The following CDYL variants were observed in gnomAD, a reference collection of about 807,000 sequenced individuals.
The protein encoded by CDYL is chromodomain Y-like protein.
In CDYL, 8 loss-of-function variants were observed where a neutral mutation model predicts 47.3. The ratio of observed to expected loss-of-function variants is 0.17; its 90% CI spans 0.10 to 0.31. The LOEUF is 0.31. Ranked by LOEUF, CDYL falls within the 10% of genes least tolerant of loss-of-function variation. The pLI is 1.00. For synonymous variants in CDYL, 266 were observed against 265.0 expected, an observed-to-expected ratio of 1.00 and a Z score of -0.04; for missense variants, 471 against 701.4, an observed-to-expected ratio of 0.67 and a Z score of 3.71.
At position 4,822,176 on chromosome 6, in the gene CDYL, G is replaced by A. The variant is rs186825114; in HGVS notation, c.24+45369G>A. The stretch of plus-strand genomic sequence containing the variant: ...TTTTTTTTTTCTTTCTGTAGAGATG[G>A]GGTTGGCGGGGGGCATCTCACTGTG... On this transcript the variant is annotated intron_variant, in intron 1 of 6. Transcript: ENST00000397588. Among the ~76,000 whole-genome samples, 397 of 151,682 alleles carry A rather than the reference G, an allele frequency of 2.6e-3. 3 individuals carry two copies. The highest frequency in any genetic ancestry group is 9.2e-3 in the African/African-American group (381 of 41,326).
At chr6:4,913,070 G>T (rs1019832517) in intron 2 of CDYL, among the ~76,000 whole-genome samples, 2 of 152,210 alleles carry the variant, frequency 1.3e-5, no homozygotes, top group Non-Finnish European at 2.9e-5. Context: ...AGGCCAGGCT[G>T]TTAATGCTGG....
intron 2 of CDYL, among the ~76,000 whole-genome samples, chr6:4,904,501 A>G (rs1001921978): frequency 3.3e-5 from 5 of 152,252 alleles, no homozygotes; most frequent in South Asian, 2.1e-4. Context: ...TTGATGCTCA[A>G]TTCTTCCATT....
At chr6:4,927,428 C>CGTGTGTGTGTGTGTGTGTGTGT (rs35317751) in intron 2 of CDYL, among the ~76,000 whole-genome samples, 158 of 142,556 alleles carry the variant, frequency 1.1e-3, no homozygotes, top group African/African-American at 3.8e-3. Context: ...ATTTACTGTA[C>CGTGTGTGTGTGTGTGTGTGTGT]GTGTGTGTGT....
At chr6:4,792,480 G>A (rs1207671646) in intron 1 of CDYL, among the ~76,000 whole-genome samples, 1 of 149,258 alleles carries the variant, frequency 6.7e-6, no homozygotes, top group African/African-American at 2.5e-5. Flanking sequence ...TGCCCAGGCT[G>A]GAGTGCAGTG....
chr6:4,828,711 C>T (rs1338390664), intron 1 of CDYL, among the ~76,000 whole-genome samples: 2 of 152,096 alleles, frequency 1.3e-5, no homozygotes, highest in African/African-American at 4.8e-5. Flanking sequence ...CACTTTGTCC[C>T]TTTCTTTTCT....
At chr6:4,950,232 G>T (rs1179820437) in intron 5 of CDYL, among the ~76,000 whole-genome samples, 1 of 152,188 alleles carries the variant, frequency 6.6e-6, no homozygotes, top group African/African-American at 2.4e-5. Flanking sequence ...TGCAGGAAGG[G>T]CGGGAGAGGA....
At chr6:4,926,931 C>T (rs1282312264) in intron 2 of CDYL, among the ~76,000 whole-genome samples, 4 of 151,988 alleles carry the variant, frequency 2.6e-5, no homozygotes, top group Non-Finnish European at 4.4e-5. Flanking sequence ...GATTTGAATC[C>T]GATTTTATGC....
rs537450737 is a variant in CDYL, at chr6:4,891,868, G to A, written c.180G>A (p.Thr60=). The change falls in exon 2 of 7, where the codon ACG becomes ACA. Residue 60 remains threonine (T), a synonymous_variant. Transcript: ENST00000397588. ...TCCACGACTTCAACAGACGCCACAC[G>A]GAGAAGCAGAAGGAGAGCACATTGA... ...EYIHDFNRRH[T]EKQKESTLTR... 2.8e-5 allele frequency: 45 copies of A among 1,614,126 alleles called. No individual in the cohort carries two copies. The highest frequency in any genetic ancestry group is 2.1e-4 in the South Asian group (19 of 91,080).
At chr6:4,779,341 A>G (rs2127429472) in intron 1 of CDYL, among the ~76,000 whole-genome samples, 1 of 152,284 alleles carries the variant, frequency 6.6e-6, no homozygotes, top group Admixed American at 6.5e-5. Context: ...GACAGGAGGA[A>G]ATGTGAAGTC....
chr6:4,898,682 G>C (rs1424373416), intron 2 of CDYL, among the ~76,000 whole-genome samples: 2 of 152,142 alleles, frequency 1.3e-5, no homozygotes, highest in African/African-American at 2.4e-5. Flanking sequence ...CCGCAAACCT[G>C]CGTGTGCTTA....
At chr6:4,748,668 C>CACACACAT (rs1197636133) in intron 3 of CDYL, among the ~76,000 whole-genome samples, 1 of 151,364 alleles carries the variant, frequency 6.6e-6, no homozygotes, top group Admixed American at 6.6e-5. Context: ...CACACACACA[C>CACACACAT]ACACACACAC....
chr6:4,823,175 T>G (rs551711007), intron 1 of CDYL, among the ~76,000 whole-genome samples: 2 of 152,256 alleles, frequency 1.3e-5, no homozygotes, highest in Non-Finnish European at 2.9e-5. Flanking sequence ...AAACACTTAG[T>G]AATTTAGTAT....
intron 1 of CDYL, among the ~76,000 whole-genome samples, chr6:4,878,139 G>A (rs1289845639): frequency 1.3e-5 from 2 of 151,988 alleles, no homozygotes; most frequent in Non-Finnish European, 1.5e-5. Context: ...TATCTTTGAT[G>A]TCAGATTGTT....
intron 2 of CDYL, among the ~76,000 whole-genome samples, chr6:4,727,636 C>G (rs919835322): frequency 2.9e-5 from 4 of 139,696 alleles, no homozygotes; most frequent in African/African-American, 1.0e-4. Context: ...TCAACTACCT[C>G]TATTTGATGC....
At position 4,892,470 on chromosome 6, in the gene CDYL, C is replaced by T. The variant is rs1043720500; in HGVS notation, c.691+91C>T. ...ATCAGGCCTTGAGCTGGGCAGAGTC[C>T]GGGGCTTCTCACGGCATCTGCTGGA... On this transcript the variant is annotated intron_variant, in intron 2 of 6. Transcript: ENST00000397588. 58 of 1,357,590 alleles carry T rather than the reference C, an allele frequency of 4.3e-5. No homozygotes were observed. In the East Asian group the frequency reaches 4.9e-4, roughly 11 times the overall value. The allele number at this position is 1,357,590 out of a possible 1,614,324, so 84.1% of individuals were successfully genotyped here.
At chr6:4,767,598 GA>G (rs1758275576) in intron 3 of CDYL, among the ~76,000 whole-genome samples, 1 of 151,616 alleles carries the variant, frequency 6.6e-6, no homozygotes, top group Non-Finnish European at 1.5e-5. Flanking sequence ...GAGATGAGGG[GA>G]GGGGAGGGGA....
intron 2 of CDYL, among the ~76,000 whole-genome samples, chr6:4,723,557 T>C (rs1757415160): frequency 2.6e-5 from 4 of 152,058 alleles, no homozygotes; most frequent in Admixed American, 2.0e-4. Context: ...GAGGAGGCTG[T>C]CCAACCTGAA....
intron 1 of CDYL, among the ~76,000 whole-genome samples, chr6:4,824,383 G>A (rs898460892): frequency 6.6e-5 from 10 of 151,214 alleles, no homozygotes; most frequent in Non-Finnish European, 1.3e-4. Context: ...CGCTCGGCTC[G>A]GCAGCACTTA....
chr6:4,894,960 TAC>T (rs1762170487), intron 2 of CDYL, among the ~76,000 whole-genome samples: 15 of 150,656 alleles, frequency 1.0e-4, no homozygotes, highest in African/African-American at 3.2e-4. Flanking sequence ...TGTGTATATA[TAC>T]GTATGTGTAT....
Sources: gnomAD v4.1 joint callset for allele counts (sites outside exome capture counted in the v4.1 genomes callset) on GRCh38, gnomAD v4.1.1 for gene constraint, MANE v1.5 for transcripts, NCBI Gene and HGNC (gene_info 2026-07-23, HGNC 2026-07-21) for gene names.